The following MAMDC2 variants were observed in gnomAD, a reference collection of about 807,000 sequenced individuals.
MAMDC2 encodes MAM domain-containing protein 2.
In MAMDC2, 57 loss-of-function variants were observed where a neutral mutation model predicts 89.8. That is an observed-to-expected ratio of 0.63 (90% CI 0.51 to 0.79). The LOEUF is 0.79. Among genes scored for constraint, MAMDC2 ranks in the 30% least tolerant of loss-of-function variants. MAMDC2 has a pLI of 0.00. For missense variants in MAMDC2, 800 were observed against 820.6 expected (o/e 0.97, Z 0.31); for synonymous variants, 313 against 293.4 (o/e 1.07, Z -0.68).
intron 1 of MAMDC2, 52 bp downstream of exon 1, chr9:70,044,283 C>T (rs1563928739): frequency 1.3e-6 from 2 of 1,587,208 alleles, no homozygotes; most frequent in African/African-American, 1.3e-5. Context: ...GACTCGCCCC[C>T]GCTCCTGCTG....
chr9:70,044,470 CCCCCT>C (rs1394411534), intron 1 of MAMDC2, 109 bp from the exon 2 acceptor site: 3 of 919,310 alleles, frequency 3.3e-6, no homozygotes, highest in Non-Finnish European at 5.0e-6. Context: ...CCCTCTCCCG[CCCCCT>C]CCCGCTCGTC....
chr9:70,176,161 A>T (rs2032494115), intron 11 of MAMDC2, among the ~76,000 whole-genome samples: 1 of 152,212 alleles, frequency 6.6e-6, no homozygotes, highest in South Asian at 2.1e-4. Flanking sequence ...ATTATGCTAA[A>T]ATAATGTTAT....
intron 11 of MAMDC2, among the ~76,000 whole-genome samples, chr9:70,206,220 A>C (rs930088369): frequency 1.3e-5 from 2 of 152,192 alleles, no homozygotes; most frequent in East Asian, 3.9e-4. Flanking sequence ...ATTAAATGGG[A>C]AATTCCAGAA....
Position 70,215,267 on chromosome 9 carries a change from C to CTGATGGTAG in MAMDC2, c.1652-3070_1652-3069insTGATGGTAG, listed in dbSNP as rs55721416. 3.9e-3 allele frequency among the ~76,000 whole-genome samples: 596 copies of CTGATGGTAG among 152,118 alleles called. 3 individuals carry two copies. Among genetic ancestry groups the CTGATGGTAG allele is most frequent in the African/African-American group, 0.013 (551 of 41,502 alleles). On this transcript the variant is annotated intron_variant, in intron 11 of 13. Coordinates refer to ENST00000377182, the MANE Select transcript of MAMDC2 (RefSeq NM_153267.5). ...TGGTAAACCACTATGTCCAATGTTACAAAAATGACAAAGACTGAAAACTGA... is the reference window on the plus strand; with the variant it reads ...TGGTAAACCACTATGTCCAATGTTACTGATGGTAGAAAAATGACAAAGACTGAAAACTGA...
chr9:70,108,440 CAT>C lies in MAMDC2; in HGVS notation c.380_381del (p.Ile127SerfsTer32). The part of the protein sequence containing the change: ...SAKEPSDSWL[I>X]ASLDLQNSSK... ...CTAAGGAACCTTCAGACAGCTGGCT[CAT>C]AGCCAGCTTGGATTTGCAAAACAGT... On this transcript the variant is annotated frameshift_variant, in exon 3 of 14. Coordinates refer to ENST00000377182, the MANE Select transcript of MAMDC2 (RefSeq NM_153267.5). LOFTEE classifies it high-confidence loss of function. 1 of 1,608,826 alleles carries C rather than the reference CAT, an allele frequency of 6.2e-7. No individual in the cohort carries two copies. Among genetic ancestry groups the C allele is most frequent in the South Asian group, 1.1e-5 (1 of 89,878 alleles).
chr9:70,105,758 T>C (rs1314163437), intron 2 of MAMDC2, among the ~76,000 whole-genome samples: 1 of 152,174 alleles, frequency 6.6e-6, no homozygotes, highest in African/African-American at 2.4e-5. Flanking sequence ...CATAAGCTTA[T>C]AGTAAAATCT....
At chr9:70,157,780 G>C (rs1188757918) in intron 9 of MAMDC2, 1 of 152,390 alleles carries the variant, frequency 6.6e-6, no homozygotes, top group Non-Finnish European at 1.5e-5. Flanking sequence ...GGAAAAAAAG[G>C]TTGCAACATA....
chr9:70,078,313 G>A (rs1488318047), intron 2 of MAMDC2, among the ~76,000 whole-genome samples: 1 of 152,076 alleles, frequency 6.6e-6, no homozygotes, highest in Non-Finnish European at 1.5e-5. Context: ...CCCCTTCAGT[G>A]GTATTTTTCA....
intron 2 of MAMDC2, among the ~76,000 whole-genome samples, chr9:70,101,122 TTG>T (rs1828178998): frequency 6.6e-6 from 1 of 152,172 alleles, no homozygotes; most frequent in Non-Finnish European, 1.5e-5. Context: ...ATGTGAATGT[TTG>T]TGTCTTTGTT....
chr9:70,212,813 A>G (rs1400443193), intron 11 of MAMDC2, among the ~76,000 whole-genome samples: 1 of 152,192 alleles, frequency 6.6e-6, no homozygotes, highest in African/African-American at 2.4e-5. Flanking sequence ...ACCTTAGTGA[A>G]TAGTTTCAGC....
At chr9:70,056,108 G>A (rs1827019042) in intron 2 of MAMDC2, among the ~76,000 whole-genome samples, 1 of 152,226 alleles carries the variant, frequency 6.6e-6, no homozygotes, top group African/African-American at 2.4e-5. Context: ...TGCTTATAAA[G>A]AGGATGACTT....
At chr9:70,069,281 C>A (rs1827344713) in intron 2 of MAMDC2, among the ~76,000 whole-genome samples, 2 of 152,200 alleles carry the variant, frequency 1.3e-5, no homozygotes, top group Non-Finnish European at 1.5e-5. Context: ...CTTTCCTGGT[C>A]AAGTGTAAAG....
intron 2 of MAMDC2, among the ~76,000 whole-genome samples, chr9:70,102,649 T>C (rs984405556): frequency 8.5e-5 from 13 of 152,260 alleles, no homozygotes; most frequent in African/African-American, 2.9e-4. Context: ...ACGTGGAGTC[T>C]GTACTTTTTG....
intron 9 of MAMDC2, among the ~76,000 whole-genome samples, chr9:70,155,566 T>C (rs2031731080): frequency 1.3e-5 from 2 of 152,256 alleles, no homozygotes; most frequent in African/African-American, 4.8e-5. Context: ...ACTGCCAATA[T>C]ATGTTAGTCT....
chr9:70,221,380 T>TATATATAGAGAGAGAGAGAGAG, intron 12 of MAMDC2, among the ~76,000 whole-genome samples: 1 of 7,044 alleles, frequency 1.4e-4, no homozygotes, highest in African/African-American at 4.4e-4. Flanking sequence ...TATATATATA[T>TATATATAGAGAGAGAGAGAGAG]AGAGAGAGAG....
chr9:70,080,355 T>G (rs1346445392), intron 2 of MAMDC2, among the ~76,000 whole-genome samples: 2 of 152,226 alleles, frequency 1.3e-5, no homozygotes, highest in African/African-American at 4.8e-5. Flanking sequence ...CCACACACAT[T>G]CATGCATGTG....
At chr9:70,069,717 A>C (rs1271260260) in intron 2 of MAMDC2, among the ~76,000 whole-genome samples, 1 of 152,180 alleles carries the variant, frequency 6.6e-6, no homozygotes, top group Non-Finnish European at 1.5e-5. Context: ...ATTGGTCCCT[A>C]TCCACACTTT....
intron 5 of MAMDC2, 39 bp downstream of exon 5, chr9:70,113,171 AT>A (rs1828557437): frequency 1.2e-6 from 2 of 1,608,282 alleles, no homozygotes; most frequent in Non-Finnish European, 1.7e-6. Flanking sequence ...CCCAGGATAA[AT>A]TTTTCTGCTG....
chr9:70,213,389 C>T (rs2033391651), intron 11 of MAMDC2, among the ~76,000 whole-genome samples: 1 of 151,916 alleles, frequency 6.6e-6, no homozygotes, highest in Non-Finnish European at 1.5e-5. Context: ...CAGGTGTGAA[C>T]ATTTTTTTCT....
Sources: allele counts gnomAD v4.1 joint callset (sites outside exome capture counted in the v4.1 genomes callset), GRCh38; gene constraint gnomAD v4.1.1; transcripts MANE v1.5; gene names NCBI Gene and HGNC (gene_info 2026-07-23, HGNC 2026-07-21).